The following CBFA2T3 variants were observed in gnomAD, a reference collection of about 807,000 sequenced individuals.
The protein encoded by CBFA2T3 is transcriptional corepressor CBFA2T3.
CBFA2T3 carries 31 observed loss-of-function variants against 58.6 expected under a neutral mutation model. The observed-to-expected ratio is 0.53, with a 90% CI of 0.40 to 0.71. CBFA2T3 has a LOEUF of 0.71. Among genes scored for constraint, CBFA2T3 ranks in the 30% least tolerant of loss-of-function variants. CBFA2T3 has a pLI of 0.00. For missense variants in CBFA2T3, 1,076 were observed against 963.1 expected, an observed-to-expected ratio of 1.12 and a Z score of -1.55; for synonymous variants, 531 against 421.9, an observed-to-expected ratio of 1.26 and a Z score of -3.17.
Position 88,976,901 on chromosome 16 carries a change from G to A in CBFA2T3, c.-94C>T, listed in dbSNP as rs555841378. 3.0e-5 allele frequency: 43 copies of A among 1,441,864 alleles called. No homozygotes were observed. In the African/African-American group the frequency reaches 5.5e-4, roughly 19 times the overall value. 89.3% of individuals were successfully genotyped at this position (1,441,864 alleles called of 1,614,324 possible). Reference sequence around the variant, plus strand: ...CCTCCTGCAGCCTTGAGGGAAAGAGGAGGGGCTGGGCCAGCTGGGGCGTCC... The same window carrying A: ...CCTCCTGCAGCCTTGAGGGAAAGAGAAGGGGCTGGGCCAGCTGGGGCGTCC... On this transcript the variant is annotated 5_prime_UTR_variant, in exon 1 of 12. Transcript: ENST00000268679.
At chr16:88,892,105 GGT>G in intron 4 of CBFA2T3, 134 bp from the exon 5 acceptor site, 1 of 1,348,540 alleles carries the variant, frequency 7.4e-7, no homozygotes, top group Non-Finnish European at 1.0e-6. Flanking sequence ...GGCCTGAGAG[GGT>G]GCAGGTGGCA....
chr16:88,875,817 TC>T lies in CBFA2T3; in HGVS notation c.*1158del, dbSNP rs1280070733. The T allele has an allele frequency of 1.3e-5, 3 of 233,354 alleles. No individual in the cohort carries two copies. The highest frequency in any genetic ancestry group is 2.5e-5 in the Non-Finnish European group (3 of 118,006). The allele number at this position is 233,354 out of a possible 1,614,324, so 14.5% of individuals were successfully genotyped here. On this transcript the variant is annotated 3_prime_UTR_variant, in exon 12 of 12. Coordinates refer to ENST00000268679, the MANE Select transcript of CBFA2T3 (RefSeq NM_005187.6). ...GGGAAGAAAACTTTAGCACTTTTTTTCCACAAGTGGAAAACGGAAATATGAA... is the reference window on the plus strand; with the variant it reads ...GGGAAGAAAACTTTAGCACTTTTTTTCACAAGTGGAAAACGGAAATATGAA...
intron 1 of CBFA2T3, among the ~76,000 whole-genome samples, chr16:88,936,267 C>T (rs1567620202): frequency 6.6e-6 from 1 of 152,176 alleles, no homozygotes; most frequent in African/African-American, 2.4e-5. Flanking sequence ...CCATCCTGGT[C>T]TCCGGCAGGT....
rs76188937 is a variant in CBFA2T3, at chr16:88,923,753, C to T, written c.152-22097G>A. Among the ~76,000 whole-genome samples, 629 of 152,318 alleles carry T rather than the reference C, an allele frequency of 4.1e-3. 6 individuals are homozygous for T. Among genetic ancestry groups the T allele is most frequent in the African/African-American group, 0.015 (612 of 41,576 alleles). ...CGACATGGAGGTCGGCTTTGGAACTCGGGCTCTGGGCTCCTGGGCTGGACA... is the reference window on the plus strand; with the variant it reads ...CGACATGGAGGTCGGCTTTGGAACTTGGGCTCTGGGCTCCTGGGCTGGACA... On this transcript the variant is annotated intron_variant, in intron 1 of 11. Coordinates refer to ENST00000268679, the MANE Select transcript of CBFA2T3 (RefSeq NM_005187.6).
intron 1 of CBFA2T3, chr16:88,950,130 A>G (rs575210403): frequency 4.4e-6 from 2 of 454,246 alleles, no homozygotes; most frequent in East Asian, 1.4e-4. Flanking sequence ...ACCTCTCTTT[A>G]TCTGGATCTG....
chr16:88,945,391 G>A (rs1405103735), intron 1 of CBFA2T3, among the ~76,000 whole-genome samples: 1 of 152,220 alleles, frequency 6.6e-6, no homozygotes, highest in Non-Finnish European at 1.5e-5. Flanking sequence ...CATAGACTGG[G>A]AGAAAATATT....
chr16:88,906,138 G>C (rs1055984260), intron 1 of CBFA2T3, among the ~76,000 whole-genome samples: 5 of 152,078 alleles, frequency 3.3e-5, no homozygotes, highest in Non-Finnish European at 5.9e-5. Context: ...GCACCCCCAA[G>C]CAGTGTGGGG....
rs200814966 is a variant in CBFA2T3, at chr16:88,886,154, G to A, written c.712-12C>T. On this transcript the variant is annotated splice_polypyrimidine_tract_variant and intron_variant, in intron 5 of 11. Transcript: ENST00000268679. Reference sequence around the variant, plus strand: ...AAGGGCAGGTTTGCCTGTGGGGTGGGGAAGGAGGGCCTGGGTAGCATGCAG... The same window carrying A: ...AAGGGCAGGTTTGCCTGTGGGGTGGAGAAGGAGGGCCTGGGTAGCATGCAG... The A allele has an allele frequency of 3.4e-5, 51 of 1,521,108 alleles. No individual in the cohort carries two copies. The East Asian group carries it at 1.1e-3, about 33-fold the overall frequency. The allele number at this position is 1,521,108 out of a possible 1,614,324, so 94.2% of individuals were successfully genotyped here.
chr16:88,881,996 G>T (rs188283754), intron 8 of CBFA2T3, among the ~76,000 whole-genome samples: 1 of 152,348 alleles, frequency 6.6e-6, no homozygotes, highest in East Asian at 1.9e-4. Flanking sequence ...CACACTTCTT[G>T]CAAGACTCAG....
chr16:88,894,514 CACACATGCATACATAT>C (rs1969799135), intron 3 of CBFA2T3, among the ~76,000 whole-genome samples: 1 of 129,416 alleles, frequency 7.7e-6, no homozygotes. Flanking sequence ...CACATGCACA[CACACATGCATACATAT>C]ACACATGCAC....
intron 1 of CBFA2T3, among the ~76,000 whole-genome samples, chr16:88,916,606 C>T (rs1388511275): frequency 8.4e-6 from 1 of 118,756 alleles, no homozygotes; most frequent in African/African-American, 3.2e-5. Context: ...GACAGAGCTT[C>T]TCTGGAAGGA....
Position 88,876,917 on chromosome 16 carries a change from G to T in CBFA2T3, c.*59C>A. The T allele has an allele frequency of 7.8e-7, 1 of 1,278,172 alleles. No homozygotes were observed. Among genetic ancestry groups the T allele is most frequent in the Non-Finnish European group, 1.0e-6 (1 of 978,466 alleles). 79.2% of individuals were successfully genotyped at this position (1,278,172 alleles called of 1,614,324 possible). ...GGAGGCCAGGCACAGCATCCGGTGGGCCTGGAGCTGGGTGGGGTTGGCACG... is the reference window on the plus strand; with the variant it reads ...GGAGGCCAGGCACAGCATCCGGTGGTCCTGGAGCTGGGTGGGGTTGGCACG... On this transcript the variant is annotated 3_prime_UTR_variant, in exon 12 of 12. Coordinates refer to ENST00000268679, the MANE Select transcript of CBFA2T3 (RefSeq NM_005187.6).
intron 1 of CBFA2T3, among the ~76,000 whole-genome samples, chr16:88,916,258 G>A (rs1321568779): frequency 6.6e-6 from 1 of 151,904 alleles, no homozygotes; most frequent in Non-Finnish European, 1.5e-5. Context: ...ATTCATGCGT[G>A]TGCATGGCTG....
intron 1 of CBFA2T3, 75 bp downstream of exon 1, chr16:88,976,582 T>C (rs1308041512): frequency 1.0e-5 from 12 of 1,164,924 alleles, no homozygotes; most frequent in Non-Finnish European, 1.3e-5. Context: ...CCCGCGAAGC[T>C]CTAAGGAGTC....
At chr16:88,966,384 C>T (rs747347077) in intron 1 of CBFA2T3, among the ~76,000 whole-genome samples, 6 of 152,144 alleles carry the variant, frequency 3.9e-5, no homozygotes, top group Non-Finnish European at 7.4e-5. Context: ...GAGAGCAGAG[C>T]GGGGGATCGC....
chr16:88,952,478 A>T (rs1425151348), intron 1 of CBFA2T3, among the ~76,000 whole-genome samples: 1 of 152,038 alleles, frequency 6.6e-6, no homozygotes, highest in Non-Finnish European at 1.5e-5. Flanking sequence ...GCCGCCCTCC[A>T]GTCCTTCTCC....
chr16:88,950,109 C>T (rs577861749), intron 1 of CBFA2T3: 4 of 448,554 alleles, frequency 8.9e-6, no homozygotes, highest in African/African-American at 4.0e-5. Context: ...CCTCCTCTCC[C>T]GTCTCTCTTC....
intron 5 of CBFA2T3, chr16:88,886,417 C>G (rs1442116613): frequency 2.8e-6 from 1 of 351,440 alleles, no homozygotes; most frequent in African/African-American, 2.1e-5. Flanking sequence ...TCCTGGACTC[C>G]CAGGGTGGGG....
rs764337817 is a variant in CBFA2T3, at chr16:88,884,998, G to C, written c.1117+48C>G. 8 of 1,419,228 alleles carry C rather than the reference G, an allele frequency of 5.6e-6. No individual in the cohort carries two copies. The East Asian group carries it at 1.9e-4, about 34-fold the overall frequency. 87.9% of individuals were successfully genotyped at this position (1,419,228 alleles called of 1,614,324 possible). A position where few individuals can be genotyped will look rare whatever the true frequency, so the allele number is the denominator to read the frequency against. The stretch of plus-strand genomic sequence containing the variant: ...CTCAGGTGTACATGTGGGCGCATGT[G>C]TGCTCCTGTAACACGCGTCCACGCT... On this transcript the variant is annotated intron_variant, in intron 7 of 11. Transcript: ENST00000268679.
Sources: allele counts gnomAD v4.1 joint callset (sites outside exome capture counted in the v4.1 genomes callset), GRCh38; gene constraint gnomAD v4.1.1; transcripts MANE v1.5; gene names NCBI Gene and HGNC (gene_info 2026-07-23, HGNC 2026-07-21).